PRKN: variants seen among roughly 807,000 people sequenced by gnomAD.
PRKN encodes the protein parkin RBR E3 ubiquitin protein ligase.
A neutral mutation model predicts 59.5 loss-of-function variants in PRKN; 56 were observed. That is an observed-to-expected ratio of 0.94 (90% CI 0.76 to 1.18). The LOEUF (loss-of-function observed/expected upper bound fraction) is 1.18. PRKN is among the 50% of genes most tolerant of loss of function. PRKN has a pLI of 0.00. For synonymous variants in PRKN, 250 were observed against 222.1 expected (o/e 1.13, Z -1.12); for missense variants, 657 against 596.4 (o/e 1.10, Z -1.06).
intron 1 of PRKN, among the ~76,000 whole-genome samples, chr6:162,578,083 T>A (rs1780633716): frequency 6.6e-6 from 1 of 152,190 alleles, no homozygotes; most frequent in African/African-American, 2.4e-5. Context: ...ATTCAAAGGC[T>A]GATATATGGA....
At position 162,015,582 on chromosome 6, in the gene PRKN, A is replaced by G. The variant is rs1236137178; in HGVS notation, c.618+38509T>C. On this transcript the variant is annotated intron_variant, in intron 5 of 11. Transcript: ENST00000366898. ...CTCTTGCTGCTGAATCCTGTTTTCAATGCATCCCTCCTCCCTTCCTTTCTC... is the reference window on the plus strand; with the variant it reads ...CTCTTGCTGCTGAATCCTGTTTTCAGTGCATCCCTCCTCCCTTCCTTTCTC... 3.3e-5 allele frequency among the ~76,000 whole-genome samples: 5 copies of G among 152,220 alleles called. No homozygotes were observed. In the East Asian group the frequency reaches 9.7e-4, roughly 29 times the overall value.
chr6:161,948,162 T>G (rs1304000606), intron 6 of PRKN, among the ~76,000 whole-genome samples: 1 of 152,024 alleles, frequency 6.6e-6, no homozygotes, highest in Non-Finnish European at 1.5e-5. Flanking sequence ...ATTTCTGTAT[T>G]TTTTAGTAGA....
At chr6:162,426,316 A>G (rs1789236327) in intron 2 of PRKN, among the ~76,000 whole-genome samples, 2 of 152,224 alleles carry the variant, frequency 1.3e-5, no homozygotes, top group Non-Finnish European at 2.9e-5. Flanking sequence ...AGGTGTCCTT[A>G]TGAGGCATGA....
At chr6:162,493,707 T>C (rs946327076) in intron 1 of PRKN, among the ~76,000 whole-genome samples, 2 of 152,192 alleles carry the variant, frequency 1.3e-5, no homozygotes, top group Non-Finnish European at 2.9e-5. Flanking sequence ...TTTCATCCTT[T>C]GACGAAAGCG....
At chr6:162,082,784 G>T (rs921136955) in intron 4 of PRKN, among the ~76,000 whole-genome samples, 11 of 151,950 alleles carry the variant, frequency 7.2e-5, no homozygotes, top group Non-Finnish European at 1.3e-4. Context: ...AAATAGGGAG[G>T]CCCAAGGAGA....
At chr6:161,433,279 C>T (rs1788734110) in intron 9 of PRKN, among the ~76,000 whole-genome samples, 1 of 152,102 alleles carries the variant, frequency 6.6e-6, no homozygotes. Context: ...AAGCAGTATG[C>T]GTCCGCGGCA....
At chr6:161,523,629 T>C in intron 9 of PRKN, among the ~76,000 whole-genome samples, 1 of 152,266 alleles carries the variant, frequency 6.6e-6, no homozygotes, top group Non-Finnish European at 1.5e-5. Flanking sequence ...ATCATTATTA[T>C]GTTGTCAAAA....
intron 5 of PRKN, among the ~76,000 whole-genome samples, chr6:162,007,360 G>A (rs182267976): frequency 2.6e-5 from 4 of 152,256 alleles, no homozygotes; most frequent in African/African-American, 7.2e-5. Flanking sequence ...AACAATGCAA[G>A]TATAATAGCA....
At chr6:161,997,109 C>T (rs1394789270) in intron 5 of PRKN, among the ~76,000 whole-genome samples, 1 of 152,152 alleles carries the variant, frequency 6.6e-6, no homozygotes, top group Non-Finnish European at 1.5e-5. Context: ...AGGTGGCTAG[C>T]ACATTCGACG....
At position 161,368,319 on chromosome 6, in the gene PRKN, TTATATATATTTG is replaced by T. The variant is rs200875107; in HGVS notation, c.1168-8126_1168-8115del. On this transcript the variant is annotated intron_variant, in intron 10 of 11. Transcript: ENST00000366898. ...TATTTATATATATTTGTATATATAT[TTATATATATTTG>T]TATATATATTTGTATATATATTTGT... Among the ~76,000 whole-genome samples the T allele has an allele frequency of 6.3e-3, 905 of 143,124 alleles. 7 individuals are homozygous for T. The highest frequency in any genetic ancestry group is 0.013 in the African/African-American group (502 of 38,876). The allele number at this position is 143,124 out of a possible 152,430, so 93.9% of individuals were successfully genotyped here. A position where few individuals can be genotyped will look rare whatever the true frequency, so the allele number is the denominator to read the frequency against.
chr6:161,914,326 C>A (rs1295693222), intron 6 of PRKN, among the ~76,000 whole-genome samples: 1 of 151,978 alleles, frequency 6.6e-6, no homozygotes. Context: ...CTATTTGTGA[C>A]CTTTTATGAA....
At chr6:162,242,387 A>G (rs780481219) in intron 3 of PRKN, among the ~76,000 whole-genome samples, 3 of 152,264 alleles carry the variant, frequency 2.0e-5, no homozygotes, top group South Asian at 2.1e-4. Context: ...CAGTTCATAC[A>G]GAAAGCAGAC....
intron 1 of PRKN, among the ~76,000 whole-genome samples, chr6:162,521,284 T>G (rs1232491696): frequency 1.3e-5 from 2 of 152,206 alleles, no homozygotes; most frequent in Admixed American, 1.3e-4. Context: ...CTCTCTTCTT[T>G]GTAAAGAACT....
At chr6:161,631,620 G>A (rs1051248365) in intron 7 of PRKN, among the ~76,000 whole-genome samples, 1 of 152,218 alleles carries the variant, frequency 6.6e-6, no homozygotes, top group African/African-American at 2.4e-5. Flanking sequence ...TTCAGGCTAT[G>A]AGGAATTTAT....
At chr6:162,628,205 A>C (rs1293794150) in intron 1 of PRKN, among the ~76,000 whole-genome samples, 10 of 152,224 alleles carry the variant, frequency 6.6e-5, no homozygotes, top group Non-Finnish European at 2.9e-5. Context: ...GAAGACGCAG[A>C]GGAAACAAGG....
At chr6:162,106,382 C>T (rs751955071) in intron 4 of PRKN, among the ~76,000 whole-genome samples, 8 of 144,824 alleles carry the variant, frequency 5.5e-5, no homozygotes, top group Non-Finnish European at 1.0e-4. Context: ...GAACTGAGGA[C>T]ATGAGAGAGT....
chr6:161,972,769 C>T (rs1297588123), intron 6 of PRKN, among the ~76,000 whole-genome samples: 3 of 152,080 alleles, frequency 2.0e-5, no homozygotes, highest in East Asian at 1.9e-4. Flanking sequence ...CAGTGGCTCA[C>T]GCCTGTAATC....
At chr6:161,540,386 T>C (rs142554084) in intron 9 of PRKN, among the ~76,000 whole-genome samples, 1 of 152,284 alleles carries the variant, frequency 6.6e-6, no homozygotes, top group East Asian at 1.9e-4. Context: ...CAAAATTTCA[T>C]CCCATCTTCT....
chr6:162,130,987 C>A (rs1781329215), intron 4 of PRKN, among the ~76,000 whole-genome samples: 1 of 152,168 alleles, frequency 6.6e-6, no homozygotes, highest in Admixed American at 6.5e-5. Flanking sequence ...CTCCCTTTTG[C>A]TCTACGATGC....
Sources: gnomAD v4.1 joint callset for allele counts (sites outside exome capture counted in the v4.1 genomes callset) on GRCh38, gnomAD v4.1.1 for gene constraint, MANE v1.5 for transcripts, NCBI Gene and HGNC (gene_info 2026-07-23, HGNC 2026-07-21) for gene names.